The following PDE6A variants were observed in gnomAD, a reference collection of about 807,000 sequenced individuals.
PDE6A encodes the protein rod cGMP-specific 3',5'-cyclic phosphodiesterase subunit alpha.
In PDE6A, 84 loss-of-function variants were observed where a neutral mutation model predicts 106.3. The observed-to-expected ratio is 0.79, with a 90% CI of 0.66 to 0.95. The LOEUF (loss-of-function observed/expected upper bound fraction) is 0.95. Ranked by LOEUF, PDE6A falls within the 40% of genes least tolerant of loss-of-function variation. The pLI, the probability that PDE6A is intolerant of heterozygous loss-of-function variation, is 0.00. For synonymous variants in PDE6A, 394 were observed against 386.6 expected, an observed-to-expected ratio of 1.02 and a Z score of -0.23; for missense variants, 1,052 against 1,084.9, an observed-to-expected ratio of 0.97 and a Z score of 0.43.
At chr5:149,884,964 G>A in intron 14 of PDE6A, 97 bp from the exon 15 acceptor site, 1 of 955,814 alleles carries the variant, frequency 1.0e-6, no homozygotes, top group East Asian at 2.4e-5. Flanking sequence ...TTCTCCACAA[G>A]TGATTCCGAG....
Position 149,916,329 on chromosome 5 carries a change from G to T in PDE6A, c.934-1322C>A, listed in dbSNP as rs145938941. On this transcript the variant is annotated intron_variant, in intron 5 of 21. Transcript: ENST00000255266. ...AAGAAAGAGATAAAGACGGCTGCCA[G>T]AATCTAGGGAGATGGGGAAGTGGTC... 1.5e-3 allele frequency among the ~76,000 whole-genome samples: 233 copies of T among 152,320 alleles called. 2 individuals carry two copies. Among genetic ancestry groups the T allele is most frequent in the African/African-American group, 5.2e-3 (218 of 41,570 alleles).
intron 6 of PDE6A, among the ~76,000 whole-genome samples, chr5:149,908,128 A>G (rs1435998529): frequency 1.3e-5 from 2 of 152,214 alleles, no homozygotes; most frequent in African/African-American, 2.4e-5. Flanking sequence ...GGCACTGTAC[A>G]ACGTATATTA....
chr5:149,895,773 G>A (rs1489560097), intron 12 of PDE6A, among the ~76,000 whole-genome samples: 1 of 152,140 alleles, frequency 6.6e-6, no homozygotes, highest in Non-Finnish European at 1.5e-5. Context: ...GTGTCTGTGT[G>A]TGTGAGAGAG....
At chr5:149,864,732 G>T (rs1015713830) in intron 20 of PDE6A, among the ~76,000 whole-genome samples, 1 of 152,160 alleles carries the variant, frequency 6.6e-6, no homozygotes, top group East Asian at 1.9e-4. Flanking sequence ...TCCACGGCCC[G>T]CTGTGAAGTG....
At chr5:149,940,785 A>C (rs1754308030) in intron 1 of PDE6A, among the ~76,000 whole-genome samples, 1 of 152,164 alleles carries the variant, frequency 6.6e-6, no homozygotes, top group Non-Finnish European at 1.5e-5. Context: ...GGTGTGAGCC[A>C]CTGCGCCCGG....
intron 5 of PDE6A, among the ~76,000 whole-genome samples, chr5:149,916,730 G>C (rs145253929): frequency 6.6e-6 from 1 of 152,294 alleles, no homozygotes; most frequent in East Asian, 1.9e-4. Flanking sequence ...TTTCACAAAT[G>C]AGAAAGCTGA....
intron 17 of PDE6A, among the ~76,000 whole-genome samples, chr5:149,881,613 G>C (rs1243140133): frequency 6.6e-6 from 1 of 152,174 alleles, no homozygotes; most frequent in Non-Finnish European, 1.5e-5. Flanking sequence ...ACGGAGGAGA[G>C]TGTGGGCCAG....
At chr5:149,933,620 G>A (rs1754104573) in intron 3 of PDE6A, among the ~76,000 whole-genome samples, 2 of 152,144 alleles carry the variant, frequency 1.3e-5, no homozygotes, top group Admixed American at 6.5e-5. Context: ...TTTGAGGGTG[G>A]CACCATAATC....
chr5:149,919,324 T>C (rs1753639462), intron 5 of PDE6A, among the ~76,000 whole-genome samples: 2 of 152,078 alleles, frequency 1.3e-5, no homozygotes, highest in African/African-American at 2.4e-5. Flanking sequence ...CTGGCCAACA[T>C]AGTGAAACCT....
At chr5:149,943,856 T>C (rs979473982) in intron 1 of PDE6A, among the ~76,000 whole-genome samples, 1 of 152,102 alleles carries the variant, frequency 6.6e-6, no homozygotes, top group Non-Finnish European at 1.5e-5. Flanking sequence ...CACAGTACAA[T>C]GATGGGAGCA....
At chr5:149,940,002 C>T (rs1754285653) in intron 1 of PDE6A, 1 of 148,076 alleles carries the variant, frequency 6.8e-6, no homozygotes, top group Non-Finnish European at 1.5e-5. Flanking sequence ...CAGTCTGCCA[C>T]TTTTTTTTTT....
chr5:149,920,951 A>AAAGAAAGAAAGAAAG (rs1561769217), intron 5 of PDE6A, among the ~76,000 whole-genome samples: 1 of 120,440 alleles, frequency 8.3e-6, no homozygotes, highest in Non-Finnish European at 1.5e-5. Flanking sequence ...AAAAAGAAAG[A>AAAGAAAGAAAGAAAG]AAGAAAGAAA....
chr5:149,888,871 C>G (rs1752428259), intron 13 of PDE6A, among the ~76,000 whole-genome samples: 3 of 151,698 alleles, frequency 2.0e-5, no homozygotes, highest in South Asian at 2.1e-4. Flanking sequence ...ATCACGAGGT[C>G]AGGAGATCGA....
At chr5:149,938,516 C>T (rs570817899) in intron 1 of PDE6A, among the ~76,000 whole-genome samples, 3 of 152,230 alleles carry the variant, frequency 2.0e-5, no homozygotes, top group East Asian at 3.9e-4. Flanking sequence ...GGGCTAGGTG[C>T]CAGGGGCCAG....
chr5:149,926,979 C>CAA (rs539891462), intron 4 of PDE6A, among the ~76,000 whole-genome samples: 9,529 of 70,150 alleles, frequency 0.14, 632 homozygotes, highest in East Asian at 0.27. Context: ...ACTCCGTCTC[C>CAA]AAAAAAAAAA....
At chr5:149,861,013 G>A (rs776611141) in intron 21 of PDE6A, 42 bp from the exon 22 acceptor site, 2 of 1,555,128 alleles carry the variant, frequency 1.3e-6, no homozygotes, top group East Asian at 2.3e-5. Context: ...GTGACAAGAG[G>A]CTGCAGTGGG....
chr5:149,919,236 G>A (rs958467405), intron 5 of PDE6A, among the ~76,000 whole-genome samples: 2 of 152,180 alleles, frequency 1.3e-5, no homozygotes, highest in Admixed American at 1.3e-4. Flanking sequence ...GCCGGGTGCG[G>A]TGGCTCGCGC....
At chr5:149,929,523 C>G (rs1020860257) in intron 4 of PDE6A, among the ~76,000 whole-genome samples, 4 of 152,042 alleles carry the variant, frequency 2.6e-5, no homozygotes, top group African/African-American at 9.7e-5. Flanking sequence ...AGGAGAATGG[C>G]GTGAACCCGG....
intron 1 of PDE6A, among the ~76,000 whole-genome samples, chr5:149,939,193 A>AGGGAC (rs1318236219): frequency 6.6e-6 from 1 of 152,220 alleles, no homozygotes; most frequent in Non-Finnish European, 1.5e-5. Flanking sequence ...GTCACTGGCC[A>AGGGAC]GGGACACTGA....
Sources: gnomAD v4.1 joint callset for allele counts (sites outside exome capture counted in the v4.1 genomes callset) on GRCh38, gnomAD v4.1.1 for gene constraint, MANE v1.5 for transcripts, NCBI Gene and HGNC (gene_info 2026-07-23, HGNC 2026-07-21) for gene names.